The following PHF24 variants were observed in gnomAD, a reference collection of about 807,000 sequenced individuals.
PHF24 encodes Galpha inhibitory interacting protein.
PHF24 carries 25 observed loss-of-function variants against 42.6 expected under a neutral mutation model. The ratio of observed to expected loss-of-function variants is 0.59; its 90% CI spans 0.43 to 0.82. The LOEUF (loss-of-function observed/expected upper bound fraction) is 0.82. PHF24 is among the 40% of genes least tolerant of loss of function. The probability of loss-of-function intolerance (pLI) is 0.00; values close to 1 mark genes in which losing one functional copy is unlikely to be tolerated. For synonymous variants in PHF24, 185 were observed against 204.8 expected, an observed-to-expected ratio of 0.90 and a Z score of 0.83; for missense variants, 470 against 538.1, an observed-to-expected ratio of 0.87 and a Z score of 1.25.
chr9:34,917,720 G>T, the PHF24 span: 16 of 799,844 alleles, frequency 2.0e-5, no homozygotes, highest in Middle Eastern at 4.8e-4. Context: ...TCATTACAGC[G>T]CCTGCTTGTA....
the PHF24 span, chr9:34,690,257 G>A: frequency 3.1e-6 from 5 of 1,614,174 alleles, no homozygotes; most frequent in East Asian, 6.7e-5. Flanking sequence ...GGTAGTGGAA[G>A]TTCCTCACGA....
chr9:34,691,956 A>G, the PHF24 span, among the ~76,000 whole-genome samples: 20 of 152,050 alleles, frequency 1.3e-4, no homozygotes, highest in South Asian at 3.9e-3. Flanking sequence ...AGCCCCCTTC[A>G]TTTTCCCCCT....
the PHF24 span, chr9:34,832,956 G>A: frequency 6.4e-7 from 1 of 1,551,726 alleles, no homozygotes; most frequent in Non-Finnish European, 8.7e-7. Flanking sequence ...AACTGAGGGT[G>A]ATGCTGGGGG....
chr9:34,787,352 G>A, the PHF24 span, among the ~76,000 whole-genome samples: 27 of 152,028 alleles, frequency 1.8e-4, no homozygotes, highest in South Asian at 6.2e-4. Flanking sequence ...TCATAAACCT[G>A]TTCAGTGTCA....
the PHF24 span, among the ~76,000 whole-genome samples, chr9:34,759,589 A>G: frequency 6.6e-6 from 1 of 152,156 alleles, no homozygotes; most frequent in Non-Finnish European, 1.5e-5. Context: ...GCAGAGCACC[A>G]TATTACCTAT....
At chr9:34,930,724 A>G in the PHF24 span, among the ~76,000 whole-genome samples, 1 of 152,228 alleles carries the variant, frequency 6.6e-6, no homozygotes, top group African/African-American at 2.4e-5. Flanking sequence ...AGGGATGTGG[A>G]GAGGAACTAG....
chr9:34,718,267 G>A, the PHF24 span, among the ~76,000 whole-genome samples: 1 of 152,140 alleles, frequency 6.6e-6, no homozygotes. Context: ...AGAAAAGGGG[G>A]GCAGTTGGCA....
At chr9:34,971,915 C>T (rs1429823327) in intron 2 of PHF24, among the ~76,000 whole-genome samples, 4 of 152,146 alleles carry the variant, frequency 2.6e-5, no homozygotes, top group Admixed American at 2.6e-4. Flanking sequence ...TCGAACCTCC[C>T]CCTCTTCCCC....
the PHF24 span, among the ~76,000 whole-genome samples, chr9:34,694,159 CTTTTTTTTTTTTTTTTT>C: frequency 1.5e-5 from 1 of 66,124 alleles, no homozygotes; most frequent in African/African-American, 6.1e-5. Flanking sequence ...TATCTCTATT[CTTTTTTTTTTTTTTTTT>C]TTTTTTTTTT....
At chr9:34,838,373 C>G in the PHF24 span, 1 of 978,604 alleles carries the variant, frequency 1.0e-6, no homozygotes, top group Non-Finnish European at 1.6e-6. Flanking sequence ...CTTTCAACTT[C>G]CAAGTTCAAT....
the PHF24 span, among the ~76,000 whole-genome samples, chr9:34,740,383 G>A: frequency 2.6e-5 from 4 of 152,370 alleles, no homozygotes; most frequent in African/African-American, 7.2e-5. Flanking sequence ...CCTGCCCTGC[G>A]GGAAGGCAGC....
chr9:34,843,250 A>G, the PHF24 span, among the ~76,000 whole-genome samples: 1 of 152,340 alleles, frequency 6.6e-6, no homozygotes, highest in Admixed American at 6.5e-5. Flanking sequence ...AAAATATTAG[A>G]TTGCCAAACA....
chr9:34,910,739 G>A, the PHF24 span, among the ~76,000 whole-genome samples: 1 of 152,048 alleles, frequency 6.6e-6, no homozygotes, highest in South Asian at 2.1e-4. Flanking sequence ...GTTTTGTCAT[G>A]ATTCAGAGTC....
intron 7 of PHF24, 30 bp downstream of exon 7, chr9:34,977,671 G>A (rs749526073): frequency 7.8e-6 from 12 of 1,531,720 alleles, no homozygotes; most frequent in Middle Eastern, 3.4e-4. Flanking sequence ...CTGGCCATTT[G>A]TACCCTCTGA....
At chr9:34,930,056 G>A in the PHF24 span, among the ~76,000 whole-genome samples, 591 of 152,284 alleles carry the variant, frequency 3.9e-3, 1 homozygote, top group South Asian at 0.027. Flanking sequence ...CTATTTTGGG[G>A]CTTCTCTTTT....
chr9:34,872,535 C>T, the PHF24 span, among the ~76,000 whole-genome samples: 2 of 150,748 alleles, frequency 1.3e-5, no homozygotes, highest in Non-Finnish European at 2.9e-5. Flanking sequence ...AGGACATGAA[C>T]TCATCATTTT....
chr9:34,685,717 C>T, the PHF24 span, among the ~76,000 whole-genome samples: 3 of 152,202 alleles, frequency 2.0e-5, no homozygotes, highest in East Asian at 5.8e-4. Context: ...CTCATGGGAT[C>T]GTTTGAGGGT....
At chr9:34,760,081 G>A in the PHF24 span, among the ~76,000 whole-genome samples, 273 of 152,298 alleles carry the variant, frequency 1.8e-3, no homozygotes, top group African/African-American at 6.3e-3. Context: ...CCTCGTGGTT[G>A]AGAGCGAACA....
chr9:34,839,317 G>A, the PHF24 span, among the ~76,000 whole-genome samples: 1 of 152,170 alleles, frequency 6.6e-6, no homozygotes, highest in Non-Finnish European at 1.5e-5. Context: ...TGCTGCTTGT[G>A]GTTGGATCTA....
Sources: gnomAD v4.1 joint callset for allele counts (sites outside exome capture counted in the v4.1 genomes callset) on GRCh38, gnomAD v4.1.1 for gene constraint, MANE v1.5 for transcripts, NCBI Gene and HGNC (gene_info 2026-07-23, HGNC 2026-07-21) for gene names.